The following MYO5B variants were observed in gnomAD, a reference collection of about 807,000 sequenced individuals.
The protein encoded by MYO5B is unconventional myosin-Vb.
In MYO5B, 143 loss-of-function variants were observed where a neutral mutation model predicts 229.3. The observed-to-expected ratio is 0.62, with a 90% CI of 0.54 to 0.72. MYO5B has a LOEUF of 0.72. Among genes scored for constraint, MYO5B ranks in the 30% least tolerant of loss-of-function variants. The pLI is 0.00. For synonymous variants in MYO5B, 918 were observed against 885.2 expected (o/e 1.04, Z -0.66); for missense variants, 2,321 against 2,331.0 (o/e 1.00, Z 0.09).
At position 49,875,952 on chromosome 18, in the gene MYO5B, G is replaced by T. The variant is rs749067176; in HGVS notation, c.3397-125C>A. On this transcript the variant is annotated intron_variant, in intron 25 of 39. Transcript: ENST00000285039. The stretch of plus-strand genomic sequence containing the variant: ...CCTCTCTCCTCCCAAACATCAATTT[G>T]CATCTCAAATACAAAGCCAATGACA... 223 of 1,138,862 alleles carry T rather than the reference G, an allele frequency of 2.0e-4. 1 individual carries two copies. The highest frequency in any genetic ancestry group is 2.6e-4 in the Middle Eastern group (1 of 3,878). 70.5% of individuals were successfully genotyped at this position (1,138,862 alleles called of 1,614,324 possible).
At chr18:49,999,681 GC>G (rs2026025420) in intron 5 of MYO5B, among the ~76,000 whole-genome samples, 1 of 152,188 alleles carries the variant, frequency 6.6e-6, no homozygotes, top group South Asian at 2.1e-4. Flanking sequence ...TTTCCAGTGA[GC>G]CCATCCTATC....
chr18:49,999,715 C>T (rs1273123104), intron 5 of MYO5B, among the ~76,000 whole-genome samples: 1 of 152,168 alleles, frequency 6.6e-6, no homozygotes, highest in East Asian at 1.9e-4. Flanking sequence ...CAGTGGTTCT[C>T]CAAGTGTGGT....
chr18:50,108,358 A>T (rs1434798245), intron 1 of MYO5B, among the ~76,000 whole-genome samples: 2 of 152,236 alleles, frequency 1.3e-5, no homozygotes, highest in African/African-American at 4.8e-5. Flanking sequence ...CTCTGCATTA[A>T]GTGAGATATG....
chr18:49,831,244 T>C (rs1163917537), intron 39 of MYO5B, among the ~76,000 whole-genome samples: 7 of 152,248 alleles, frequency 4.6e-5, no homozygotes, highest in African/African-American at 1.4e-4. Flanking sequence ...ATCAAGAGCA[T>C]AGGAAACAAA....
chr18:49,879,621 A>G (rs1272558700), intron 23 of MYO5B, among the ~76,000 whole-genome samples: 1 of 152,220 alleles, frequency 6.6e-6, no homozygotes, highest in Admixed American at 6.5e-5. Flanking sequence ...AAAAGATGTG[A>G]TATTGGGTGG....
At chr18:49,872,114 T>C (rs1598847141) in intron 27 of MYO5B, 53 bp downstream of exon 27, 1 of 1,560,974 alleles carries the variant, frequency 6.4e-7, no homozygotes, top group East Asian at 2.2e-5. Context: ...AGATTTGTCA[T>C]CTGCCCTCTG....
intron 17 of MYO5B, among the ~76,000 whole-genome samples, chr18:49,928,645 G>A (rs1022445098): frequency 2.0e-5 from 3 of 152,154 alleles, no homozygotes; most frequent in African/African-American, 7.2e-5. Context: ...AGGAAAAGAA[G>A]TCGTTATATG....
In MYO5B at chr18:50,104,714, T is replaced by C. The variant is rs113309681; in HGVS notation, c.28-49336A>G. Among the ~76,000 whole-genome samples, 1,282 of 152,310 alleles carry C rather than the reference T, an allele frequency of 8.4e-3. 9 individuals carry two copies. The highest frequency in any genetic ancestry group is 0.029 in the African/African-American group (1,220 of 41,566). On this transcript the variant is annotated intron_variant, in intron 1 of 39. Transcript: ENST00000285039. The stretch of plus-strand genomic sequence containing the variant: ...CATTACAGCTAAGTTGATAATAATC[T>C]TTCATAGCCTTTTCCCTAAGTTTGA...
At chr18:50,129,481 A>T (rs1235717341) in intron 1 of MYO5B, among the ~76,000 whole-genome samples, 1 of 152,244 alleles carries the variant, frequency 6.6e-6, no homozygotes, top group Non-Finnish European at 1.5e-5. Context: ...TTCTGATTTA[A>T]GGAATGCAGG....
chr18:50,005,256 T>C (rs1311033266), intron 4 of MYO5B, among the ~76,000 whole-genome samples: 4 of 152,198 alleles, frequency 2.6e-5, no homozygotes, highest in South Asian at 2.1e-4. Flanking sequence ...TTGATAAGTA[T>C]GGGGTTTTGT....
intron 6 of MYO5B, among the ~76,000 whole-genome samples, 190 bp from the exon 7 acceptor site, chr18:49,990,710 C>T (rs117817571): frequency 0.034 from 5,147 of 152,292 alleles, 101 homozygotes; most frequent in Non-Finnish European, 0.053. Context: ...GGGACTTCTT[C>T]CAACCTGAGG....
At chr18:49,956,315 A>G (rs1472962363) in intron 12 of MYO5B, among the ~76,000 whole-genome samples, 1 of 152,238 alleles carries the variant, frequency 6.6e-6, no homozygotes, top group African/African-American at 2.4e-5. Flanking sequence ...CTATGTTTGT[A>G]AACATTTTAG....
At chr18:50,082,946 T>C (rs1485002170) in intron 1 of MYO5B, among the ~76,000 whole-genome samples, 1 of 152,148 alleles carries the variant, frequency 6.6e-6, no homozygotes, top group Non-Finnish European at 1.5e-5. Context: ...ACTAACCACC[T>C]GGAGACCCCA....
intron 26 of MYO5B, among the ~76,000 whole-genome samples, chr18:49,874,506 G>C (rs887195621): frequency 6.6e-6 from 1 of 152,210 alleles, no homozygotes; most frequent in African/African-American, 2.4e-5. Flanking sequence ...GTCCACCTGA[G>C]AGATTTAAAC....
chr18:50,156,738 G>A (rs1166970321), intron 1 of MYO5B, among the ~76,000 whole-genome samples: 1 of 152,146 alleles, frequency 6.6e-6, no homozygotes, highest in Middle Eastern at 3.2e-3. Flanking sequence ...ATACATTCTA[G>A]GAAAGAATTT....
At chr18:50,083,611 C>A (rs144313728) in intron 1 of MYO5B, among the ~76,000 whole-genome samples, 108 of 152,306 alleles carry the variant, frequency 7.1e-4, no homozygotes, top group Non-Finnish European at 1.2e-3. Context: ...CATCACAGCA[C>A]TGAGCACACA....
chr18:49,850,757 AGCACCAAAGCATGTGATTCCCTG>A (rs2024190736), intron 31 of MYO5B: 2 of 152,530 alleles, frequency 1.3e-5, no homozygotes, highest in Non-Finnish European at 2.9e-5. Context: ...CTTGCCAAGC[AGCACCAAAGCATGTGATTCCCTG>A]GCTCCCCAGC....
chr18:50,063,002 T>G (rs1427995863), intron 1 of MYO5B, among the ~76,000 whole-genome samples: 4 of 152,146 alleles, frequency 2.6e-5, no homozygotes, highest in Non-Finnish European at 5.9e-5. Context: ...ATATGAAATA[T>G]TTGGCCCAGT....
chr18:49,899,981 G>T (rs146188163), intron 21 of MYO5B, among the ~76,000 whole-genome samples: 2 of 151,806 alleles, frequency 1.3e-5, no homozygotes, highest in South Asian at 2.1e-4. Flanking sequence ...TTTCAAGCAC[G>T]TGGATTGTAA....
Sources: allele counts gnomAD v4.1 joint callset (sites outside exome capture counted in the v4.1 genomes callset), GRCh38; gene constraint gnomAD v4.1.1; transcripts MANE v1.5; gene names NCBI Gene and HGNC (gene_info 2026-07-23, HGNC 2026-07-21).